The following KLF12 variants were observed in gnomAD, a reference collection of about 807,000 sequenced individuals.
KLF12 encodes Krueppel-like factor 12.
Under a neutral mutation model 37.8 loss-of-function variants are expected in KLF12, and 9 were observed. The ratio of observed to expected loss-of-function variants is 0.24; its 90% CI spans 0.14 to 0.42. The LOEUF (loss-of-function observed/expected upper bound fraction) is 0.42. Among genes scored for constraint, KLF12 ranks in the 10% least tolerant of loss-of-function variants. The probability of loss-of-function intolerance (pLI) is 1.00; values close to 1 mark genes in which losing one functional copy is unlikely to be tolerated. For missense variants in KLF12, 411 were observed against 516.0 expected (o/e 0.80, Z 1.97); for synonymous variants, 208 against 202.1 (o/e 1.03, Z -0.25).
At chr13:73,920,670 TTC>T (rs1379506788) in intron 3 of KLF12, among the ~76,000 whole-genome samples, 3 of 152,136 alleles carry the variant, frequency 2.0e-5, no homozygotes, top group African/African-American at 7.2e-5. Flanking sequence ...TTGGCAACAG[TTC>T]TCTGTCCTTT....
At chr13:73,805,908 G>T (rs1015929724) in intron 5 of KLF12, among the ~76,000 whole-genome samples, 19 of 152,016 alleles carry the variant, frequency 1.2e-4, no homozygotes, top group Admixed American at 1.2e-3. Flanking sequence ...GGGTTCAAGT[G>T]ATTCTTGTGC....
the KLF12 span, among the ~76,000 whole-genome samples, chr13:74,262,311 G>A: frequency 6.6e-6 from 1 of 152,206 alleles, no homozygotes; most frequent in African/African-American, 2.4e-5. Context: ...TGTGAATGAT[G>A]GCTGGAAGAA....
intron 1 of KLF12, among the ~76,000 whole-genome samples, chr13:74,122,218 A>G (rs188272109): frequency 1.5e-4 from 23 of 152,254 alleles, no homozygotes; most frequent in African/African-American, 5.5e-4. Flanking sequence ...TTTAATATAA[A>G]ATGAATTCCC....
the KLF12 span, among the ~76,000 whole-genome samples, chr13:74,245,102 A>G: frequency 6.6e-6 from 1 of 152,198 alleles, no homozygotes; most frequent in East Asian, 1.9e-4. Flanking sequence ...ATGGCTAGAG[A>G]AGCTATCAAG....
chr13:73,909,409 T>C (rs1888466670), intron 3 of KLF12, among the ~76,000 whole-genome samples: 1 of 152,210 alleles, frequency 6.6e-6, no homozygotes, highest in African/African-American at 2.4e-5. Flanking sequence ...TGATGAAGCA[T>C]ACAACATCAA....
chr13:73,774,820 AAC>A (rs1388573628), intron 5 of KLF12, among the ~76,000 whole-genome samples: 4 of 152,044 alleles, frequency 2.6e-5, no homozygotes, highest in African/African-American at 9.7e-5. Context: ...TTTTTCATTC[AAC>A]AGTTATTATC....
At chr13:74,080,068 C>T (rs890074619) in intron 1 of KLF12, among the ~76,000 whole-genome samples, 24 of 152,026 alleles carry the variant, frequency 1.6e-4, no homozygotes, top group Non-Finnish European at 2.9e-4. Flanking sequence ...TCACATGCTA[C>T]AACATGGAGG....
At chr13:74,101,663 A>C (rs1876349101) in intron 1 of KLF12, among the ~76,000 whole-genome samples, 1 of 152,202 alleles carries the variant, frequency 6.6e-6, no homozygotes, top group African/African-American at 2.4e-5. Context: ...GGATGTGTCT[A>C]AGAGACACAA....
the KLF12 span, among the ~76,000 whole-genome samples, chr13:74,299,708 AG>A: frequency 6.6e-6 from 1 of 152,306 alleles, no homozygotes; most frequent in South Asian, 2.1e-4. Context: ...TGGGCATGCC[AG>A]GGAGTGAATT....
chr13:74,140,087 G>A, the KLF12 span, among the ~76,000 whole-genome samples: 1 of 152,054 alleles, frequency 6.6e-6, no homozygotes, highest in Admixed American at 6.5e-5. Context: ...TTACATAATA[G>A]TGAATATCTT....
rs796914215 is a variant in KLF12 at position 74,060,480 on chromosome 13, G to T, written c.-31-65427C>A. ...GCCTCCGTGGTTAAATGTATACCTA[G>T]GTTTTGTGTGTGTGTGTGTGTGTGT... On this transcript the variant is annotated intron_variant, in intron 1 of 7. Coordinates refer to ENST00000377669, the MANE Select transcript of KLF12 (RefSeq NM_007249.5). 1.2e-3 allele frequency among the ~76,000 whole-genome samples: 167 copies of T among 135,018 alleles called. 1 individual carries two copies. The highest frequency in any genetic ancestry group is 4.5e-3 in the African/African-American group (161 of 35,728). The allele number at this position is 135,018 out of a possible 152,430, so 88.6% of individuals were successfully genotyped here. A position where few individuals can be genotyped will look rare whatever the true frequency, so the allele number is the denominator to read the frequency against.
At chr13:74,042,462 T>C (rs1459103573) in intron 1 of KLF12, among the ~76,000 whole-genome samples, 1 of 152,182 alleles carries the variant, frequency 6.6e-6, no homozygotes, top group Non-Finnish European at 1.5e-5. Flanking sequence ...TCCATGTTTT[T>C]ACCGTAACAA....
chr13:74,292,743 C>T, the KLF12 span, among the ~76,000 whole-genome samples: 6 of 152,242 alleles, frequency 3.9e-5, no homozygotes, highest in African/African-American at 1.4e-4. Context: ...TGACTTAACA[C>T]CCTGGCTGAA....
chr13:74,196,773 G>A, the KLF12 span, among the ~76,000 whole-genome samples: 1 of 152,076 alleles, frequency 6.6e-6, no homozygotes, highest in Non-Finnish European at 1.5e-5. Flanking sequence ...CAATGTGAAT[G>A]TGCCCTCTCT....
chr13:73,911,985 T>G (rs1321975468), intron 3 of KLF12, among the ~76,000 whole-genome samples: 3 of 152,214 alleles, frequency 2.0e-5, no homozygotes. Context: ...TTTTTTGTTT[T>G]GTTGCAATAA....
At chr13:74,146,550 C>T in the KLF12 span, among the ~76,000 whole-genome samples, 2 of 152,070 alleles carry the variant, frequency 1.3e-5, no homozygotes, top group Non-Finnish European at 2.9e-5. Flanking sequence ...TGGTTTAGAA[C>T]CAAATCTATC....
At chr13:74,070,854 GA>G (rs998318062) in intron 1 of KLF12, among the ~76,000 whole-genome samples, 1 of 150,802 alleles carries the variant, frequency 6.6e-6, no homozygotes, top group African/African-American at 2.4e-5. Context: ...ATTTCATGAG[GA>G]AAAAAAAATA....
intron 4 of KLF12, among the ~76,000 whole-genome samples, chr13:73,815,056 A>AAAT (rs60166535): frequency 0.19 from 29,294 of 151,598 alleles, 3,139 homozygotes; most frequent in East Asian, 0.47. Context: ...AAAAAAAAAA[A>AAAT]TCACTGTCAT....
intron 4 of KLF12, among the ~76,000 whole-genome samples, chr13:73,814,445 A>G (rs903622148): frequency 1.8e-4 from 27 of 152,174 alleles, no homozygotes; most frequent in African/African-American, 5.3e-4. Flanking sequence ...ATTGTGTCTA[A>G]TATTTACAGT....
Sources: gnomAD v4.1 joint callset for allele counts (sites outside exome capture counted in the v4.1 genomes callset) on GRCh38, gnomAD v4.1.1 for gene constraint, MANE v1.5 for transcripts, NCBI Gene and HGNC (gene_info 2026-07-23, HGNC 2026-07-21) for gene names.